Variants in TRAK1 observed in about 807,000 individuals in gnomAD.
The protein encoded by TRAK1 is trafficking kinesin-binding protein 1.
In TRAK1, 33 loss-of-function variants were observed where a neutral mutation model predicts 92.1. The ratio of observed to expected loss-of-function variants is 0.36; its 90% confidence interval spans 0.27 to 0.48. The LOEUF is 0.48. Among genes scored for constraint, TRAK1 ranks in the 20% least tolerant of loss-of-function variants. The pLI, the probability that TRAK1 is intolerant of heterozygous loss-of-function variation, is 0.99. For missense variants in TRAK1, 1,123 were observed against 1,257.9 expected (o/e 0.89, Z 1.62); for synonymous variants, 521 against 517.3 (o/e 1.01, Z -0.10).
chr3:42,101,947 A>C (rs1453923079), intron 1 of TRAK1, among the ~76,000 whole-genome samples: 1 of 152,174 alleles, frequency 6.6e-6, no homozygotes, highest in Admixed American at 6.5e-5. Context: ...AAATCCCGGC[A>C]ACCAAAGCTT....
intron 1 of TRAK1, among the ~76,000 whole-genome samples, chr3:42,037,916 G>A (rs1702383189): frequency 6.6e-6 from 1 of 152,216 alleles, no homozygotes; most frequent in East Asian, 1.9e-4. Flanking sequence ...AAATCCATTA[G>A]AGGTCAGGTG....
At position 42,170,990 on chromosome 3, in the gene TRAK1, A is replaced by AT. The variant is rs1227809532; in HGVS notation, c.287-5814dup. On this transcript the variant is annotated intron_variant, in intron 2 of 15. Transcript: ENST00000327628. The stretch of plus-strand genomic sequence containing the variant: ...AGGTGCCTGCCACCACACCCTGCTA[A>AT]TTTTTTTTTTGTATTTTTAGTAGAG... 4.4e-4 allele frequency among the ~76,000 whole-genome samples: 66 copies of AT among 148,524 alleles called. 1 individual carries two copies. Among genetic ancestry groups the AT allele is most frequent in the African/African-American group, 1.0e-3 (41 of 40,556 alleles).
chr3:42,113,682 TG>T (rs1010881636), intron 1 of TRAK1, among the ~76,000 whole-genome samples: 78 of 152,140 alleles, frequency 5.1e-4, no homozygotes, highest in African/African-American at 1.7e-3. Flanking sequence ...CCCAAAGTTC[TG>T]GGATTACAGG....
At chr3:42,206,114 A>G (rs1490484472) in intron 13 of TRAK1, among the ~76,000 whole-genome samples, 2 of 152,184 alleles carry the variant, frequency 1.3e-5, no homozygotes, top group South Asian at 2.1e-4. Context: ...ATAAGATGCA[A>G]TTCATATTTA....
chr3:42,178,029 G>A (rs774018845), intron 3 of TRAK1, among the ~76,000 whole-genome samples: 24 of 152,258 alleles, frequency 1.6e-4, no homozygotes, highest in Non-Finnish European at 1.8e-4. Flanking sequence ...TGGCACCACC[G>A]ACTTTTGAAA....
rs1488903952 is a variant in TRAK1 at position 42,041,955 on chromosome 3, G to A, written c.-519+27838G>A. Among the ~76,000 whole-genome samples, 3 of 152,080 alleles carry A rather than the reference G, an allele frequency of 2.0e-5. No homozygotes were observed. The East Asian group carries it at 5.8e-4, about 29-fold the overall frequency. Reference sequence around the variant, plus strand: ...TTGCAGGCACGTGTCACCACACCCAGCTACTTTTGTATTTTTAGTAGAGAC... The same window carrying A: ...TTGCAGGCACGTGTCACCACACCCAACTACTTTTGTATTTTTAGTAGAGAC... On this transcript the variant is annotated intron_variant, in intron 1 of 16. Coordinates refer to the TRAK1 transcript ENST00000487159.
intron 1 of TRAK1, among the ~76,000 whole-genome samples, chr3:42,014,730 C>A (rs575282877): frequency 2.5e-4 from 38 of 152,132 alleles, no homozygotes; most frequent in African/African-American, 8.7e-4. Context: ...TTTTAGAACC[C>A]GTGGCTGCAC....
At chr3:42,034,666 C>T (rs200526074) in intron 1 of TRAK1, among the ~76,000 whole-genome samples, 45 of 152,294 alleles carry the variant, frequency 3.0e-4, no homozygotes, top group East Asian at 2.3e-3. Flanking sequence ...CTTTCTCAAA[C>T]GCTGTACCTC....
intron 2 of TRAK1, among the ~76,000 whole-genome samples, chr3:42,169,993 A>T (rs1207613446): frequency 7.9e-5 from 12 of 152,120 alleles, no homozygotes; most frequent in Admixed American, 7.9e-4. Flanking sequence ...CGAGAAGGAA[A>T]TGGCAGGCAC....
chr3:42,218,397 T>G (rs1011303370), intron 14 of TRAK1: 58 of 984,290 alleles, frequency 5.9e-5, no homozygotes, highest in Non-Finnish European at 7.0e-5. Flanking sequence ...CTGAATCAGT[T>G]TTCTCCCAGG....
In TRAK1 at chr3:42,053,377, G is replaced by T. The variant is rs1251664894; in HGVS notation, c.-518-33727G>T. ...CTGCAGTCCCATTCAGAGTCGGGTG[G>T]GGGGGGGGGGCGGGGGATGGCAAAG... On this transcript the variant is annotated intron_variant, in intron 1 of 16. Coordinates refer to the TRAK1 transcript ENST00000487159. 3.1e-3 allele frequency among the ~76,000 whole-genome samples: 265 copies of T among 84,150 alleles called. 4 individuals carry two copies. The highest frequency in any genetic ancestry group is 3.5e-3 in the Non-Finnish European group (163 of 46,752). 55.2% of individuals were successfully genotyped at this position (84,150 alleles called of 152,430 possible).
intron 1 of TRAK1, among the ~76,000 whole-genome samples, chr3:42,047,857 T>C (rs1702817560): frequency 6.6e-6 from 1 of 151,954 alleles, no homozygotes. Flanking sequence ...TTTAAATAAT[T>C]CATTTTCATC....
intron 1 of TRAK1, among the ~76,000 whole-genome samples, chr3:42,027,999 G>A (rs1194570640): frequency 6.6e-6 from 1 of 152,086 alleles, no homozygotes; most frequent in African/African-American, 2.4e-5. Flanking sequence ...ATAGGCGCCA[G>A]CTATCATGCC....
chr3:42,131,886 C>A (rs1234738087), intron 2 of TRAK1, among the ~76,000 whole-genome samples: 2 of 145,404 alleles, frequency 1.4e-5, no homozygotes, highest in East Asian at 4.0e-4. Flanking sequence ...GATGAAACCC[C>A]ATCTCTACAA....
rs765583207 is a variant in TRAK1 at position 42,055,973 on chromosome 3, G to A, written c.-518-31131G>A. ...ACTGGCTTTTTTCACTTAGCATAAC[G>A]TTTTCAGAGTTCACCCATGTTGTAG... On this transcript the variant is annotated intron_variant, in intron 1 of 16. Transcript: ENST00000487159. 2.6e-4 allele frequency among the ~76,000 whole-genome samples: 40 copies of A among 152,034 alleles called. 1 individual carries two copies. Among genetic ancestry groups the A allele is most frequent in the Admixed American group, 5.2e-4 (8 of 15,278 alleles).
chr3:42,133,420 A>G (rs1372759492), intron 2 of TRAK1, among the ~76,000 whole-genome samples: 1 of 152,064 alleles, frequency 6.6e-6, no homozygotes, highest in Non-Finnish European at 1.5e-5. Flanking sequence ...GGGTCTTGAT[A>G]TGTTGCCTAG....
rs539326591 is a variant in TRAK1, at chr3:42,064,877, C to T, written c.-518-22227C>T. 1.3e-3 allele frequency among the ~76,000 whole-genome samples: 193 copies of T among 152,032 alleles called. 1 individual carries two copies. The highest frequency in any genetic ancestry group is 4.4e-3 in the African/African-American group (181 of 41,450). Reference sequence around the variant, plus strand: ...ACCATCCTGGCTGACACGGTGAAACCCTGTCTCTACTAAAAATAACAAAAA... The same window carrying T: ...ACCATCCTGGCTGACACGGTGAAACTCTGTCTCTACTAAAAATAACAAAAA... On this transcript the variant is annotated intron_variant, in intron 1 of 16. Coordinates refer to the TRAK1 transcript ENST00000487159.
At chr3:42,030,747 T>A (rs1274191352) in intron 1 of TRAK1, among the ~76,000 whole-genome samples, 2 of 135,610 alleles carry the variant, frequency 1.5e-5, no homozygotes, top group African/African-American at 2.9e-5. Context: ...TATATGTAAC[T>A]TGTTGGTCAG....
chr3:42,119,195 C>CA (rs1346644659), intron 1 of TRAK1, among the ~76,000 whole-genome samples: 1 of 152,206 alleles, frequency 6.6e-6, no homozygotes, highest in Non-Finnish European at 1.5e-5. Context: ...ACACTTCTAA[C>CA]ATCGTAGTGA....
Sources: allele counts gnomAD v4.1 joint callset (sites outside exome capture counted in the v4.1 genomes callset), GRCh38; gene constraint gnomAD v4.1.1; transcripts MANE v1.5; gene names NCBI Gene and HGNC (gene_info 2026-07-23, HGNC 2026-07-21).